The following RAB23 variants were observed in gnomAD, a reference collection of about 807,000 sequenced individuals.
RAB23 encodes RAB23, member RAS oncogene family.
RAB23 carries 15 observed loss-of-function variants against 30.0 expected under a neutral mutation model. The ratio of observed to expected loss-of-function variants is 0.50; its 90% CI spans 0.33 to 0.77. The LOEUF (loss-of-function observed/expected upper bound fraction) is 0.77. Ranked by LOEUF, RAB23 falls within the 30% of genes least tolerant of loss-of-function variation. The pLI is 0.02. For missense variants in RAB23, 243 were observed against 275.4 expected, an observed-to-expected ratio of 0.88 and a Z score of 0.83; for synonymous variants, 93 against 94.0, an observed-to-expected ratio of 0.99 and a Z score of 0.06.
intron 3 of RAB23, among the ~76,000 whole-genome samples, chr6:57,203,012 T>TTTG (rs1562654684): frequency 2.8e-5 from 4 of 141,910 alleles, no homozygotes; most frequent in Middle Eastern, 3.5e-3. Flanking sequence ...TTTTTTTTTT[T>TTTG]TTTTTTTTTT....
At chr6:57,193,765 C>A in intron 6 of RAB23, 77 bp downstream of exon 6, 1 of 1,536,758 alleles carries the variant, frequency 6.5e-7, no homozygotes, top group East Asian at 2.3e-5. Context: ...AATCACATTT[C>A]TGAAAGAAAT....
chr6:57,217,899 T>C (rs572601387), intron 1 of RAB23, among the ~76,000 whole-genome samples: 13 of 152,124 alleles, frequency 8.5e-5, no homozygotes, highest in South Asian at 6.2e-4. Context: ...GGGAATAAAA[T>C]AGGGGATAGC....
In RAB23 at chr6:57,189,551, G is replaced by T. The variant is rs1008360611; in HGVS notation, c.*910C>A. 1.3e-5 allele frequency: 2 copies of T among 152,272 alleles called. No homozygotes were observed. Among genetic ancestry groups the T allele is most frequent in the African/African-American group, 4.8e-5 (2 of 41,428 alleles). The allele number at this position is 152,272 out of a possible 1,614,324, so 9.4% of individuals were successfully genotyped here. On this transcript the variant is annotated 3_prime_UTR_variant, in exon 7 of 7. Transcript: ENST00000468148. ...TTTGGCTGACCTTATGAGAGCAGGA[G>T]CTCACCATGCTTATGGGTGACTATA...
chr6:57,199,985 CCTTT>C (rs1765181664), intron 3 of RAB23, among the ~76,000 whole-genome samples: 1 of 151,852 alleles, frequency 6.6e-6, no homozygotes, highest in Non-Finnish European at 1.5e-5. Context: ...ACCGGAAAGC[CCTTT>C]CTAATATTTA....
At chr6:57,219,133 A>T (rs1765957689) in intron 1 of RAB23, among the ~76,000 whole-genome samples, 1 of 152,252 alleles carries the variant, frequency 6.6e-6, no homozygotes, top group Non-Finnish European at 1.5e-5. Flanking sequence ...TAATGAGTTT[A>T]GCAAAGTCAG....
intron 1 of RAB23, among the ~76,000 whole-genome samples, chr6:57,220,105 T>C (rs1267099250): frequency 6.6e-6 from 1 of 152,110 alleles, no homozygotes; most frequent in East Asian, 1.9e-4. Context: ...GGCAAGAGAC[T>C]TTGCCAGATA....
chr6:57,189,297 T>C lies in RAB23; in HGVS notation c.*1164A>G, dbSNP rs1764739992. 6.6e-6 allele frequency: 1 copy of C among 152,220 alleles called. No individual in the cohort carries two copies. Among genetic ancestry groups the C allele is most frequent in the Non-Finnish European group, 1.5e-5 (1 of 68,026 alleles). The allele number at this position is 152,220 out of a possible 1,614,324, so 9.4% of individuals were successfully genotyped here. ...AGTGATTGATAATCTTAAAATACCA[T>C]ACAAAAATGTGTAAACAAAAGGATG... On this transcript the variant is annotated 3_prime_UTR_variant, in exon 7 of 7. Transcript: ENST00000468148.
Position 57,188,197 on chromosome 6 carries a change from G to T in RAB23, c.*2264C>A, listed in dbSNP as rs1764684326. 1 of 152,058 alleles carries T rather than the reference G, an allele frequency of 6.6e-6. No individual in the cohort carries two copies. The highest frequency in any genetic ancestry group is 2.4e-5 in the African/African-American group (1 of 41,432). 9.4% of individuals were successfully genotyped at this position (152,058 alleles called of 1,614,324 possible). On this transcript the variant is annotated 3_prime_UTR_variant, in exon 7 of 7. Coordinates refer to ENST00000468148, the MANE Select transcript of RAB23 (RefSeq NM_016277.5). ...GAATGAAGGGTCTTGGAAAAAAAATGTCAATTTTTGAAGGCTTTAAGAATT... is the reference window on the plus strand; with the variant it reads ...GAATGAAGGGTCTTGGAAAAAAAATTTCAATTTTTGAAGGCTTTAAGAATT...
chr6:57,198,747 T>A (rs79687470), intron 3 of RAB23, among the ~76,000 whole-genome samples: 6,926 of 152,140 alleles, frequency 0.046, 519 homozygotes, highest in African/African-American at 0.16. Context: ...TACAGCTTTA[T>A]GTCCAGCTGT....
intron 3 of RAB23, among the ~76,000 whole-genome samples, chr6:57,199,496 C>G (rs1047380458): frequency 6.6e-6 from 1 of 152,138 alleles, no homozygotes; most frequent in African/African-American, 2.4e-5. Flanking sequence ...TAAACTAAGA[C>G]AGTAAATGCC....
intron 4 of RAB23, 29 bp from the exon 5 acceptor site, chr6:57,194,881 T>A (rs1474149517): frequency 1.3e-6 from 2 of 1,547,502 alleles, no homozygotes; most frequent in Non-Finnish European, 1.8e-6. Context: ...AAAAATGCTT[T>A]ACAAAGGTGC....
At chr6:57,194,934 C>T in intron 4 of RAB23, 82 bp from the exon 5 acceptor site, 1 of 1,053,740 alleles carries the variant, frequency 9.5e-7, no homozygotes, top group Non-Finnish European at 1.5e-6. Context: ...ATTACATTTA[C>T]TGAATACAGT....
At chr6:57,194,041 A>G in intron 5 of RAB23, 107 bp from the exon 6 acceptor site, 5 of 1,473,254 alleles carry the variant, frequency 3.4e-6, no homozygotes, top group Non-Finnish European at 3.6e-6. Flanking sequence ...ATTTAAAGTT[A>G]CAATTAGGAG....
intron 1 of RAB23, among the ~76,000 whole-genome samples, chr6:57,211,688 A>G (rs2128004914): frequency 6.6e-6 from 1 of 152,322 alleles, no homozygotes; most frequent in South Asian, 2.1e-4. Context: ...TCCTGTACAA[A>G]TAAATATCTT....
chr6:57,208,514 G>A (rs2128003346), intron 2 of RAB23, among the ~76,000 whole-genome samples: 1 of 151,618 alleles, frequency 6.6e-6, no homozygotes, highest in South Asian at 2.1e-4. Flanking sequence ...GTGTGTGGTG[G>A]TGCATGCCTG....
intron 3 of RAB23, among the ~76,000 whole-genome samples, chr6:57,206,526 A>G (rs140379228): frequency 2.6e-5 from 4 of 152,344 alleles, no homozygotes; most frequent in African/African-American, 9.6e-5. Flanking sequence ...GTTATCAGAA[A>G]GGAGGCATAA....
chr6:57,210,137 T>C (rs1765598266), intron 2 of RAB23, 89 bp downstream of exon 2: 1 of 1,427,506 alleles, frequency 7.0e-7, no homozygotes, highest in African/African-American at 1.4e-5. Context: ...CACCTCGAAA[T>C]CCACTGCAAT....
chr6:57,200,544 A>G (rs1049446217), intron 3 of RAB23, among the ~76,000 whole-genome samples: 38 of 151,368 alleles, frequency 2.5e-4, no homozygotes, highest in African/African-American at 8.2e-4. Context: ...CTCAAAAAAA[A>G]AAAAAAAAAA....
intron 1 of RAB23, among the ~76,000 whole-genome samples, chr6:57,220,251 A>ACTAT (rs757802135): frequency 4.2e-4 from 64 of 152,312 alleles, no homozygotes; most frequent in Non-Finnish European, 7.6e-4. Context: ...AAAAACTGAC[A>ACTAT]CTATCAAATG....
Sources: allele counts gnomAD v4.1 joint callset (sites outside exome capture counted in the v4.1 genomes callset), GRCh38; gene constraint gnomAD v4.1.1; transcripts MANE v1.5; gene names NCBI Gene and HGNC (gene_info 2026-07-23, HGNC 2026-07-21).